Variants in CCDC14 observed in about 807,000 individuals in gnomAD.
CCDC14 encodes the protein coiled-coil domain containing 14.
CCDC14 carries 71 observed loss-of-function variants against 81.4 expected under a neutral mutation model. The ratio of observed to expected loss-of-function variants is 0.87; its 90% confidence interval spans 0.72 to 1.06. The LOEUF (loss-of-function observed/expected upper bound fraction) is 1.06, where lower values mean the gene tolerates loss of function less well. CCDC14 is among the 50% of genes least tolerant of loss of function. The probability of loss-of-function intolerance (pLI) is 0.00; values close to 1 mark genes in which losing one functional copy is unlikely to be tolerated. For missense variants in CCDC14, 1,046 were observed against 1,047.3 expected, an observed-to-expected ratio of 1.00 and a Z score of 0.02; for synonymous variants, 332 against 364.8, an observed-to-expected ratio of 0.91 and a Z score of 1.03.
At chr3:123,893,360 A>T (rs1398097189), downstream of CCDC14, among the ~76,000 whole-genome samples, 2 of 152,026 alleles carry the variant, frequency 1.3e-5, no homozygotes, top group Non-Finnish European at 2.9e-5. Context: ...GTCTTATTTC[A>T]TTCAGTGTAA....
rs777000506 is a variant in CCDC14, at chr3:123,956,461, A to AT, written c.87-35dup. 2.1e-6 allele frequency: 3 copies of AT among 1,448,638 alleles called. No individual in the cohort carries two copies. The South Asian group carries it at 3.8e-5, about 19-fold the overall frequency. The allele number at this position is 1,448,638 out of a possible 1,614,324, so 89.7% of individuals were successfully genotyped here. ...CAAGCTTATTAATATTCTTACAAAT[A>AT]TTTTTCCCAAAATATATTAGTAAGT... On this transcript the variant is annotated intron_variant, in intron 2 of 12. Coordinates refer to ENST00000409697, the MANE Select transcript of CCDC14 (RefSeq NM_001366335.1).
Position 123,955,929 on chromosome 3 carries a change from G to C in CCDC14, c.266C>G (p.Ser89Cys), listed in dbSNP as rs1202130591. The C allele has an allele frequency of 1.3e-6, 2 of 1,530,042 alleles. No homozygotes were observed. Among genetic ancestry groups the C allele is most frequent in the Non-Finnish European group, 1.8e-6 (2 of 1,134,268 alleles). The allele number at this position is 1,530,042 out of a possible 1,614,324, so 94.8% of individuals were successfully genotyped here. A position where few individuals can be genotyped will look rare whatever the true frequency, so the allele number is the denominator to read the frequency against. Residue 89 changes from serine (S) to cysteine (C), a missense_variant, in exon 5 of 13, where the codon TCT becomes TGT. Coordinates refer to ENST00000409697, the MANE Select transcript of CCDC14 (RefSeq NM_001366335.1). ...GTATCTTTTGCTTTCTAAAGGTCTAGAATTAGATCTGTTTTCTAAATATGC... is the reference window on the plus strand; with the variant it reads ...GTATCTTTTGCTTTCTAAAGGTCTACAATTAGATCTGTTTTCTAAATATGC... Reference protein sequence around the residue: ...ETAYLENRSNSRPLESKRYGS... With the variant: ...ETAYLENRSNCRPLESKRYGS...
chr3:123,900,094 A>G (rs2034149332), intron 5 of CCDC14, among the ~76,000 whole-genome samples: 1 of 152,206 alleles, frequency 6.6e-6, no homozygotes, highest in Non-Finnish European at 1.5e-5. Context: ...TCCAAGCAAT[A>G]AATGGAGAGC....
At chr3:123,912,691 T>C (rs548814119), downstream of CCDC14, among the ~76,000 whole-genome samples, 82 of 152,076 alleles carry the variant, frequency 5.4e-4, no homozygotes, top group Non-Finnish European at 1.1e-3. Context: ...ATTTTAAGAA[T>C]ACCCAACTTC....
chr3:123,923,954 C>A (rs2035203519), intron 12 of CCDC14, among the ~76,000 whole-genome samples: 1 of 133,700 alleles, frequency 7.5e-6, no homozygotes. Context: ...TCCTAAAATT[C>A]ATACAGAATC....
intron 5 of CCDC14, 59 bp from the exon 6 acceptor site, chr3:123,949,191 A>C: frequency 9.5e-7 from 1 of 1,054,648 alleles, no homozygotes; most frequent in South Asian, 1.5e-5. Context: ...TTTTACCGTA[A>C]GATTTTAAGA....
rs779597957 is a variant in CCDC14, at chr3:123,931,387, A to G, written c.1566T>C (p.Ser522=). Residue 522 remains serine (S), a synonymous_variant, in exon 11 of 13, where the codon AGT becomes AGC. Coordinates refer to ENST00000409697, the MANE Select transcript of CCDC14 (RefSeq NM_001366335.1). ...ENQKDENKKF[S]SIFKDKDQTI... Reference sequence around the variant, plus strand: ...TTTGATCTTTGTCTTTAAATATACTACTAAATTTTTTGTTTTCATCTTTCT... The same window carrying G: ...TTTGATCTTTGTCTTTAAATATACTGCTAAATTTTTTGTTTTCATCTTTCT... The G allele has an allele frequency of 2.6e-6, 4 of 1,523,416 alleles. No homozygotes were observed. The Admixed American group carries it at 7.8e-5, about 30-fold the overall frequency. The allele number at this position is 1,523,416 out of a possible 1,614,324, so 94.4% of individuals were successfully genotyped here. A position where few individuals can be genotyped will look rare whatever the true frequency, so the allele number is the denominator to read the frequency against.
intron 9 of CCDC14, among the ~76,000 whole-genome samples, chr3:123,937,154 T>C (rs1032959923): frequency 2.0e-5 from 3 of 152,232 alleles, no homozygotes; most frequent in East Asian, 1.9e-4. Context: ...TGAACACTCA[T>C]CAACAAGTTT....
At chr3:123,942,239 G>A (rs956615069) in intron 9 of CCDC14, among the ~76,000 whole-genome samples, 1 of 152,020 alleles carries the variant, frequency 6.6e-6, no homozygotes, top group Admixed American at 6.6e-5. Context: ...GTAAATGCGA[G>A]TAAATAGCAC....
At chr3:123,960,713 T>TA in intron 1 of CCDC14, among the ~76,000 whole-genome samples, 1 of 152,372 alleles carries the variant, frequency 6.6e-6, no homozygotes, top group South Asian at 2.1e-4. Context: ...TCGATGTTTT[T>TA]ACCGGGTTCT....
At chr3:123,899,841 A>T (rs1469349166) in intron 5 of CCDC14, among the ~76,000 whole-genome samples, 1 of 152,180 alleles carries the variant, frequency 6.6e-6, no homozygotes, top group East Asian at 1.9e-4. Flanking sequence ...CGTAATGTCA[A>T]CTCCAGCCAT....
At chr3:123,927,242 C>T (rs988361407) in intron 12 of CCDC14, among the ~76,000 whole-genome samples, 1 of 113,362 alleles carries the variant, frequency 8.8e-6, no homozygotes, top group African/African-American at 3.0e-5. Flanking sequence ...CTCGTCTCTA[C>T]TAAAAGTAAA....
chr3:123,939,466 A>ATT, intron 9 of CCDC14, among the ~76,000 whole-genome samples: 1 of 131,864 alleles, frequency 7.6e-6, no homozygotes, highest in Non-Finnish European at 1.6e-5. Flanking sequence ...TTTTTTTTAG[A>ATT]GATAGGGTCT....
In CCDC14 at chr3:123,913,482, T is replaced by C. The variant is rs1371417931; in HGVS notation, c.*1297A>G. On this transcript the variant is annotated 3_prime_UTR_variant, in exon 13 of 13. Coordinates refer to ENST00000409697, the MANE Select transcript of CCDC14 (RefSeq NM_001366335.1). ...TTATTTGTTAAAGAGTTGTGGCCTA[T>C]TACCTCCAAATAAGATGCCAATAAA... 1 of 981,116 alleles carries C rather than the reference T, an allele frequency of 1.0e-6. No homozygotes were observed. Among genetic ancestry groups the C allele is most frequent in the Non-Finnish European group, 1.2e-6 (1 of 826,268 alleles). 60.8% of individuals were successfully genotyped at this position (981,116 alleles called of 1,614,324 possible). A position where few individuals can be genotyped will look rare whatever the true frequency, so the allele number is the denominator to read the frequency against.
chr3:123,945,805 T>C (rs1354319074), intron 8 of CCDC14, among the ~76,000 whole-genome samples: 1 of 152,150 alleles, frequency 6.6e-6, no homozygotes, highest in Non-Finnish European at 1.5e-5. Context: ...AACAACTGTG[T>C]TCAATGATCA....
intron 6 of CCDC14, 27 bp downstream of exon 6, chr3:123,948,869 C>A (rs373210434): frequency 6.3e-6 from 10 of 1,597,240 alleles, no homozygotes; most frequent in Non-Finnish European, 8.6e-6. Context: ...CTTACACTCA[C>A]GATTTTTAAA....
At chr3:123,933,838 A>G in intron 9 of CCDC14, 83 bp from the exon 10 acceptor site, 2 of 932,828 alleles carry the variant, frequency 2.1e-6, no homozygotes, top group South Asian at 1.5e-5. Flanking sequence ...CAAAAAAGAT[A>G]AAACATAAAC....
At chr3:123,899,291 AAG>A (rs2034134419) in intron 5 of CCDC14, among the ~76,000 whole-genome samples, 1 of 152,184 alleles carries the variant, frequency 6.6e-6, no homozygotes, top group African/African-American at 2.4e-5. Flanking sequence ...AACATGAACT[AAG>A]CCTTGAGTAC....
chr3:123,897,039 A>G (rs994265131), downstream of CCDC14, among the ~76,000 whole-genome samples: 2 of 152,182 alleles, frequency 1.3e-5, no homozygotes, highest in African/African-American at 4.8e-5. Flanking sequence ...TTAAGAGGAG[A>G]TAAAATCATA....
Sources: allele counts gnomAD v4.1 joint callset (sites outside exome capture counted in the v4.1 genomes callset), GRCh38; gene constraint gnomAD v4.1.1; transcripts MANE v1.5; gene names NCBI Gene and HGNC (gene_info 2026-07-23, HGNC 2026-07-21).